SUGCT: variants seen among roughly 807,000 people sequenced by gnomAD.
SUGCT encodes succinyl-CoA:glutarate CoA-transferase.
SUGCT carries 41 observed loss-of-function variants against 55.0 expected under a neutral mutation model. That is an observed-to-expected ratio of 0.74 (90% confidence interval 0.58 to 0.97). The LOEUF is 0.97. SUGCT is among the 50% of genes least tolerant of loss of function. The pLI is 0.00. For synonymous variants in SUGCT, 187 were observed against 200.4 expected (o/e 0.93, Z 0.56); for missense variants, 568 against 547.8 (o/e 1.04, Z -0.37).
At chr7:40,173,641 A>G in intron 1 of SUGCT, among the ~76,000 whole-genome samples, 1 of 151,900 alleles carries the variant, frequency 6.6e-6, no homozygotes, top group East Asian at 1.9e-4. Context: ...CCTCTTTACT[A>G]CCTGATTGGT....
At chr7:40,412,905 G>C (rs575812409) in intron 9 of SUGCT, among the ~76,000 whole-genome samples, 1 of 151,792 alleles carries the variant, frequency 6.6e-6, no homozygotes, top group Non-Finnish European at 1.5e-5. Context: ...CCTGTTTTCT[G>C]CCATATTTAT....
the SUGCT span, among the ~76,000 whole-genome samples, chr7:40,998,350 C>G: frequency 6.6e-6 from 1 of 150,454 alleles, no homozygotes; most frequent in Admixed American, 6.6e-5. Flanking sequence ...CCAGCTTGGG[C>G]GACAGAGTAA....
At chr7:40,654,228 T>G (rs1800911755) in intron 12 of SUGCT, among the ~76,000 whole-genome samples, 1 of 152,154 alleles carries the variant, frequency 6.6e-6, no homozygotes, top group Non-Finnish European at 1.5e-5. Context: ...TTTGCTGTTG[T>G]CACTTATGAG....
intron 8 of SUGCT, among the ~76,000 whole-genome samples, chr7:40,302,952 A>G (rs1398484485): frequency 6.6e-6 from 1 of 152,070 alleles, no homozygotes; most frequent in Non-Finnish European, 1.5e-5. Flanking sequence ...CATCCTATCG[A>G]CACCTTTAAA....
At chr7:40,967,163 C>T in the SUGCT span, 6,094 of 152,292 alleles carry the variant, frequency 0.04, 139 homozygotes, top group South Asian at 0.074. Flanking sequence ...ACCCTGTGCC[C>T]TCTCTCCCAT....
intron 12 of SUGCT, among the ~76,000 whole-genome samples, chr7:40,681,565 CAGCTGATGCTTCTTTCTCTCCT>C (rs1784246453): frequency 6.6e-6 from 1 of 152,170 alleles, no homozygotes; most frequent in Admixed American, 6.6e-5. Flanking sequence ...CAAATCAGGG[CAGCTGATGCTTCTTTCTCTCCT>C]GAACTCCTCA....
chr7:40,490,726 G>A (rs1420968275), intron 11 of SUGCT, among the ~76,000 whole-genome samples: 1 of 152,114 alleles, frequency 6.6e-6, no homozygotes, highest in African/African-American at 2.4e-5. Flanking sequence ...AAGGTCATTT[G>A]AATTCCTGAG....
At chr7:40,874,995 C>T in the SUGCT span, among the ~76,000 whole-genome samples, 2 of 152,224 alleles carry the variant, frequency 1.3e-5, no homozygotes, top group African/African-American at 4.8e-5. Flanking sequence ...CGGCACTGCA[C>T]TTAATTATGG....
chr7:40,486,162 C>CT (rs1469541791), intron 11 of SUGCT, among the ~76,000 whole-genome samples: 4 of 152,024 alleles, frequency 2.6e-5, no homozygotes, highest in African/African-American at 7.2e-5. Context: ...TGATGGCAGA[C>CT]TTTTTATTAC....
chr7:40,150,565 G>T (rs569478111), intron 1 of SUGCT, among the ~76,000 whole-genome samples: 1 of 152,052 alleles, frequency 6.6e-6, no homozygotes, highest in Non-Finnish European at 1.5e-5. Flanking sequence ...CCAGCTACTC[G>T]GGAGGCTGAG....
chr7:40,649,708 C>A (rs569806916), intron 12 of SUGCT, among the ~76,000 whole-genome samples: 2 of 152,230 alleles, frequency 1.3e-5, no homozygotes, highest in East Asian at 3.9e-4. Context: ...GAGGCTCTTG[C>A]TCAAACTAAA....
chr7:41,003,424 A>C, the SUGCT span, among the ~76,000 whole-genome samples: 2 of 152,222 alleles, frequency 1.3e-5, no homozygotes, highest in African/African-American at 4.8e-5. Context: ...AACAAAGAGC[A>C]TGTATATCCA....
At chr7:41,018,165 G>C in the SUGCT span, among the ~76,000 whole-genome samples, 2 of 152,022 alleles carry the variant, frequency 1.3e-5, no homozygotes, top group Admixed American at 6.6e-5. Context: ...CACAGTCTCT[G>C]CCTATGGACC....
intron 7 of SUGCT, among the ~76,000 whole-genome samples, chr7:40,273,918 C>T (rs1437832375): frequency 6.6e-6 from 1 of 152,132 alleles, no homozygotes; most frequent in African/African-American, 2.4e-5. Flanking sequence ...TTGAGATTCT[C>T]AGTTTGTTTA....
intron 12 of SUGCT, among the ~76,000 whole-genome samples, chr7:40,571,666 T>A (rs931115156): frequency 6.6e-6 from 1 of 152,160 alleles, no homozygotes; most frequent in Non-Finnish European, 1.5e-5. Context: ...GAAAAAAAAT[T>A]CATTGGCTTG....
intron 12 of SUGCT, among the ~76,000 whole-genome samples, chr7:40,616,848 A>G (rs1799028983): frequency 6.6e-6 from 1 of 152,210 alleles, no homozygotes; most frequent in South Asian, 2.1e-4. Context: ...CCTGGAGACA[A>G]CACATTTAAC....
the SUGCT span, among the ~76,000 whole-genome samples, chr7:40,994,141 TCA>T: frequency 2.0e-4 from 31 of 152,112 alleles, no homozygotes; most frequent in African/African-American, 7.2e-4. Context: ...GATGGTGTGG[TCA>T]CCTGTGTCCC....
chr7:40,188,947 A>G (rs1441059929), intron 4 of SUGCT, among the ~76,000 whole-genome samples: 1 of 152,236 alleles, frequency 6.6e-6, no homozygotes, highest in Admixed American at 6.5e-5. Flanking sequence ...ATATATCCTC[A>G]TGGTAAATAG....
Position 40,568,284 on chromosome 7 carries a change from C to G in SUGCT, c.1089+71898C>G, listed in dbSNP as rs137927015. On this transcript the variant is annotated intron_variant, in intron 12 of 13. Coordinates refer to ENST00000335693, the MANE Select transcript of SUGCT (RefSeq NM_001193313.2). ...TCATTCAGGTACATAGTAAGCATAA[C>G]CTATAACCCTGATAAGAATATTTCT... 2.6e-3 allele frequency among the ~76,000 whole-genome samples: 394 copies of G among 152,090 alleles called. 2 individuals are homozygous for G. The highest frequency in any genetic ancestry group is 9.2e-3 in the African/African-American group (382 of 41,466).
Sources: gnomAD v4.1 joint callset for allele counts (sites outside exome capture counted in the v4.1 genomes callset) on GRCh38, gnomAD v4.1.1 for gene constraint, MANE v1.5 for transcripts, NCBI Gene and HGNC (gene_info 2026-07-23, HGNC 2026-07-21) for gene names.